Variants in CBX1 observed in about 807,000 individuals in gnomAD.
CBX1 encodes chromobox 1.
Under a neutral mutation model 25.1 loss-of-function variants are expected in CBX1, and 10 were observed. That is an observed-to-expected ratio of 0.40 (90% CI 0.25 to 0.68). The LOEUF is 0.68. CBX1 is among the 30% of genes least tolerant of loss of function. The probability of loss-of-function intolerance (pLI) is 0.40; values close to 1 mark genes in which losing one functional copy is unlikely to be tolerated. For missense variants in CBX1, 106 were observed against 218.5 expected, an observed-to-expected ratio of 0.49 and a Z score of 3.25; for synonymous variants, 63 against 79.4, an observed-to-expected ratio of 0.79 and a Z score of 1.10.
intron 1 of CBX1, among the ~76,000 whole-genome samples, chr17:48,085,200 A>G (rs2063306187): frequency 2.0e-5 from 3 of 152,232 alleles, no homozygotes; most frequent in Admixed American, 2.0e-4. Flanking sequence ...TACAGTTTAC[A>G]AAGTGCTACC....
At chr17:48,098,484 T>G (rs766192239) in intron 1 of CBX1, among the ~76,000 whole-genome samples, 3 of 152,172 alleles carry the variant, frequency 2.0e-5, no homozygotes, top group East Asian at 1.9e-4. Flanking sequence ...GAACAAGAGG[T>G]GCGTCCCCAT....
At chr17:48,099,968 G>A (rs1424244796) in intron 1 of CBX1, among the ~76,000 whole-genome samples, 1 of 151,718 alleles carries the variant, frequency 6.6e-6, no homozygotes, top group South Asian at 2.1e-4. Context: ...GTGAAACCCC[G>A]TCTCTACTAA....
Position 48,084,456 on chromosome 17 carries a change from G to A in CBX1, c.-37-7415C>T, listed in dbSNP as rs1409858233. 2.7e-5 allele frequency among the ~76,000 whole-genome samples: 4 copies of A among 147,272 alleles called. 1 individual carries two copies. The highest frequency in any genetic ancestry group is 7.8e-5 in the African/African-American group (3 of 38,286). On this transcript the variant is annotated intron_variant, in intron 1 of 4. Coordinates refer to ENST00000225603, the MANE Select transcript of CBX1 (RefSeq NM_001127228.2). ...CAACTCCTGACCTCGTGATCCACCC[G>A]CCTCAGCCTCCCAAAGTGCTGGGAT...
chr17:48,094,255 G>A (rs2063360374), intron 1 of CBX1, among the ~76,000 whole-genome samples: 1 of 151,844 alleles, frequency 6.6e-6, no homozygotes, highest in Non-Finnish European at 1.5e-5. Context: ...CTAAGATGGT[G>A]AAACCCCAAC....
chr17:48,099,903 G>A (rs1425979376), intron 1 of CBX1, among the ~76,000 whole-genome samples: 1 of 152,120 alleles, frequency 6.6e-6, no homozygotes, highest in African/African-American at 2.4e-5. Context: ...CACTTTGGGA[G>A]GCCGACGCGG....
At chr17:48,091,221 G>A (rs1324450586) in intron 1 of CBX1, among the ~76,000 whole-genome samples, 7 of 152,208 alleles carry the variant, frequency 4.6e-5, no homozygotes, top group Admixed American at 4.6e-4. Context: ...GAGGCACGGA[G>A]AAGATGACAA....
chr17:48,081,344 A>T (rs115442177), intron 1 of CBX1, among the ~76,000 whole-genome samples: 3,971 of 152,252 alleles, frequency 0.026, 163 homozygotes, highest in African/African-American at 0.089. Context: ...GCATGGCCTC[A>T]GAGAGGAACA....
chr17:48,096,876 T>C (rs1183893487), intron 1 of CBX1, among the ~76,000 whole-genome samples: 1 of 152,076 alleles, frequency 6.6e-6, no homozygotes, highest in Non-Finnish European at 1.5e-5. Flanking sequence ...GAAGATTACT[T>C]GAGGCCAGGA....
intron 4 of CBX1, 114 bp from the exon 5 acceptor site, chr17:48,071,693 G>T: frequency 2.3e-6 from 2 of 869,040 alleles, no homozygotes; most frequent in Non-Finnish European, 1.7e-6. Flanking sequence ...ATAGGCTAGG[G>T]AACAATGAAA....
intron 4 of CBX1, among the ~76,000 whole-genome samples, chr17:48,074,756 CTCTT>C (rs1406884751): frequency 6.6e-6 from 1 of 152,160 alleles, no homozygotes; most frequent in Non-Finnish European, 1.5e-5. Context: ...CCTTCCCACA[CTCTT>C]TCCACTCTAG....
intron 1 of CBX1, 31 bp downstream of exon 1, chr17:48,101,237 C>T: frequency 1.0e-6 from 1 of 989,540 alleles, no homozygotes; most frequent in Non-Finnish European, 1.2e-6. Flanking sequence ...GCCCCCTCCC[C>T]CAGCTCTCCC....
At chr17:48,074,952 G>T in intron 4 of CBX1, 54 bp downstream of exon 4, 1 of 1,252,874 alleles carries the variant, frequency 8.0e-7, no homozygotes. Flanking sequence ...CCTCTGGCAT[G>T]AAACCAATGG....
intron 1 of CBX1, among the ~76,000 whole-genome samples, chr17:48,080,951 AAT>A (rs1323670486): frequency 0.017 from 578 of 33,224 alleles, 3 homozygotes; most frequent in Middle Eastern, 0.062. Context: ...AAAAAAAAAA[AAT>A]ATATATATAT....
intron 4 of CBX1, among the ~76,000 whole-genome samples, chr17:48,073,882 G>A (rs916811210): frequency 6.9e-6 from 1 of 145,648 alleles, no homozygotes; most frequent in African/African-American, 2.6e-5. Context: ...ACAATCTTAA[G>A]CAATATGGAG....
At chr17:48,091,461 G>A (rs1024911139) in intron 1 of CBX1, among the ~76,000 whole-genome samples, 2 of 149,612 alleles carry the variant, frequency 1.3e-5, no homozygotes, top group African/African-American at 2.5e-5. Flanking sequence ...TTAGAACTCC[G>A]CCTCTGGGGT....
In CBX1 at chr17:48,085,963, G is replaced by A. The variant is rs565370671; in HGVS notation, c.-37-8922C>T. 6.6e-5 allele frequency among the ~76,000 whole-genome samples: 10 copies of A among 152,222 alleles called. 1 individual carries two copies. In the South Asian group the frequency reaches 1.9e-3, roughly 28 times the overall value. On this transcript the variant is annotated intron_variant, in intron 1 of 4. Transcript: ENST00000225603. ...CATGCACCTGTAGTCCCAGTTACTCGAGAGATTAAGGCATGAGAATTGCTT... is the reference window on the plus strand; with the variant it reads ...CATGCACCTGTAGTCCCAGTTACTCAAGAGATTAAGGCATGAGAATTGCTT...
At chr17:48,075,169 GTGTCTC>G in intron 3 of CBX1, 69 bp from the exon 4 acceptor site, 1 of 993,852 alleles carries the variant, frequency 1.0e-6, no homozygotes, top group Non-Finnish European at 1.6e-6. Context: ...AACCATTCCT[GTGTCTC>G]TGATTAATGT....
chr17:48,093,690 C>T (rs1011809673), intron 1 of CBX1, among the ~76,000 whole-genome samples: 14 of 152,200 alleles, frequency 9.2e-5, no homozygotes, highest in African/African-American at 2.9e-4. Flanking sequence ...TTATATTCTT[C>T]GGTTCTTATT....
intron 1 of CBX1, among the ~76,000 whole-genome samples, chr17:48,100,065 G>T (rs1321836497): frequency 2.0e-5 from 3 of 147,036 alleles, no homozygotes; most frequent in African/African-American, 7.5e-5. Context: ...CATGAATCCG[G>T]GAGGTGGAGG....
Sources: gnomAD v4.1 joint callset for allele counts (sites outside exome capture counted in the v4.1 genomes callset) on GRCh38, gnomAD v4.1.1 for gene constraint, MANE v1.5 for transcripts, NCBI Gene and HGNC (gene_info 2026-07-23, HGNC 2026-07-21) for gene names.